Variants in GSN observed in about 807,000 individuals in gnomAD.
GSN encodes the protein actin-depolymerizing factor.
Under a neutral mutation model 85.7 loss-of-function variants are expected in GSN, and 56 were observed. That is an observed-to-expected ratio of 0.65 (90% CI 0.53 to 0.82). The LOEUF is 0.82. Among genes scored for constraint, GSN ranks in the 40% least tolerant of loss-of-function variants. GSN has a pLI of 0.00. For missense variants in GSN, 857 were observed against 979.8 expected (o/e 0.87, Z 1.67); for synonymous variants, 373 against 399.1 (o/e 0.93, Z 0.78).
chr9:121,295,972 G>T (rs1032288364), intron 2 of GSN, among the ~76,000 whole-genome samples: 6 of 152,218 alleles, frequency 3.9e-5, no homozygotes, highest in African/African-American at 1.2e-4. Flanking sequence ...TGCACTAAAT[G>T]GCCACAGCCT....
chr9:121,241,576 T>C (rs1000012556), intron 5 of GSN, among the ~76,000 whole-genome samples: 5 of 152,362 alleles, frequency 3.3e-5, no homozygotes, highest in South Asian at 2.1e-4. Flanking sequence ...TTAACAGAGC[T>C]GTAGCAATGA....
At chr9:121,262,058 T>G (rs2055097762) in intron 6 of GSN, among the ~76,000 whole-genome samples, 2 of 152,242 alleles carry the variant, frequency 1.3e-5, no homozygotes, top group South Asian at 4.1e-4. Context: ...AGTTCCACAT[T>G]TCTTGAACAG....
chr9:121,270,685 T>C (rs2055807567), intron 1 of GSN, among the ~76,000 whole-genome samples: 2 of 152,304 alleles, frequency 1.3e-5, no homozygotes, highest in Admixed American at 6.5e-5. Flanking sequence ...CTGTTAACAA[T>C]GGTGTGTGCA....
chr9:121,213,335 C>T (rs1280567788), intron 4 of GSN, among the ~76,000 whole-genome samples: 1 of 152,194 alleles, frequency 6.6e-6, no homozygotes, highest in Non-Finnish European at 1.5e-5. Flanking sequence ...TGTATCCCTT[C>T]GTCTATTCTG....
At chr9:121,207,665 G>C (rs1262524639), upstream of GSN, 1 of 152,140 alleles carries the variant, frequency 6.6e-6, no homozygotes, top group Non-Finnish European at 1.5e-5. Flanking sequence ...GAGTTAATGA[G>C]TAAATGGTAT....
intron 5 of GSN, among the ~76,000 whole-genome samples, chr9:121,231,999 G>A (rs1049722389): frequency 6.6e-6 from 1 of 152,106 alleles, no homozygotes; most frequent in African/African-American, 2.4e-5. Flanking sequence ...CCCAGGAGGC[G>A]GAGGTTGAAG....
intron 4 of GSN, chr9:121,222,887 T>A (rs1014110816): frequency 6.6e-6 from 1 of 150,792 alleles, no homozygotes; most frequent in African/African-American, 2.4e-5. Context: ...TGGTTTGACC[T>A]TGGACTTGGG....
intron 2 of GSN, among the ~76,000 whole-genome samples, chr9:121,293,561 C>T (rs1468965258): frequency 6.6e-6 from 1 of 151,924 alleles, no homozygotes; most frequent in African/African-American, 2.4e-5. Flanking sequence ...CCAGCCTGGC[C>T]AACGTGGTAA....
At chr9:121,272,818 A>G (rs1315958082) in intron 1 of GSN, among the ~76,000 whole-genome samples, 4 of 152,226 alleles carry the variant, frequency 2.6e-5, no homozygotes, top group African/African-American at 9.6e-5. Flanking sequence ...TAGAAAAATG[A>G]AAGGACTTAC....
At chr9:121,230,205 C>A (rs2054360447) in intron 4 of GSN, among the ~76,000 whole-genome samples, 1 of 152,100 alleles carries the variant, frequency 6.6e-6, no homozygotes, top group Non-Finnish European at 1.5e-5. Context: ...ACCAGATATT[C>A]CAGGCTCAAA....
intron 2 of GSN, among the ~76,000 whole-genome samples, chr9:121,293,759 C>T (rs150683132): frequency 6.6e-6 from 1 of 151,760 alleles, no homozygotes; most frequent in African/African-American, 2.4e-5. Context: ...GAAATTGAGG[C>T]TCAGAGAGAT....
At chr9:121,234,582 A>G (rs1197734167) in intron 5 of GSN, among the ~76,000 whole-genome samples, 1 of 152,194 alleles carries the variant, frequency 6.6e-6, no homozygotes, top group Non-Finnish European at 1.5e-5. Context: ...ATTCCTTGAT[A>G]AGAGGGAGCA....
intron 1 of GSN, among the ~76,000 whole-genome samples, chr9:121,276,073 C>T (rs564513209): frequency 1.3e-5 from 2 of 152,322 alleles, no homozygotes; most frequent in Non-Finnish European, 2.9e-5. Flanking sequence ...CCATGGAATT[C>T]GTGTGCGAAT....
rs550946652 is a variant in GSN, at chr9:121,209,587, T to C, written c.-706+190T>C. Among the ~76,000 whole-genome samples, 7 of 152,312 alleles carry C rather than the reference T, an allele frequency of 4.6e-5. No homozygotes were observed. The South Asian group carries it at 1.5e-3, about 32-fold the overall frequency. ...TTAGTAGCTGTGTGGCTTTGGAAAG[T>C]TCCTTAAGGTCTCTAATTCTTCATT... On this transcript the variant is annotated intron_variant, in intron 2 of 24. Transcript: ENST00000373823.
chr9:121,330,262 G>T lies in GSN; in HGVS notation c.1965+947G>T, dbSNP rs59726946. On this transcript the variant is annotated intron_variant, in intron 16 of 17. Coordinates refer to ENST00000432226, the MANE Select transcript of GSN (RefSeq NM_198252.3). ...CCTTCGAGGGGCTTCCACTTTAGTT[G>T]GGAACACATTTATAAATAAGTAAGA... Among the ~76,000 whole-genome samples the T allele has an allele frequency of 3.3e-3, 507 of 152,262 alleles. 2 individuals are homozygous for T. Among genetic ancestry groups the T allele is most frequent in the African/African-American group, 0.012 (491 of 41,544 alleles).
chr9:121,239,576 G>A (rs571077389), intron 5 of GSN: 6 of 279,156 alleles, frequency 2.1e-5, no homozygotes, highest in South Asian at 1.5e-4. Context: ...TTTCTGCCCC[G>A]GCAATACTGT....
intron 16 of GSN, 41 bp from the exon 17 acceptor site, chr9:121,331,347 A>G (rs937020599): frequency 1.2e-5 from 16 of 1,332,994 alleles, no homozygotes; most frequent in Non-Finnish European, 1.7e-5. Flanking sequence ...GAATTTGATC[A>G]GCACTCCTCA....
chr9:121,314,918 A>G (rs1319417254), intron 7 of GSN, among the ~76,000 whole-genome samples: 1 of 152,174 alleles, frequency 6.6e-6, no homozygotes, highest in Admixed American at 6.5e-5. Flanking sequence ...CTGCAGTACA[A>G]TGGCACAATC....
intron 16 of GSN, among the ~76,000 whole-genome samples, chr9:121,330,297 A>C (rs1357174890): frequency 1.3e-5 from 2 of 152,220 alleles, no homozygotes; most frequent in Non-Finnish European, 2.9e-5. Flanking sequence ...AGAGGGCCAG[A>C]CATGTTGGCT....
Sources: gnomAD v4.1 joint callset for allele counts (sites outside exome capture counted in the v4.1 genomes callset) on GRCh38, gnomAD v4.1.1 for gene constraint, MANE v1.5 for transcripts, NCBI Gene and HGNC (gene_info 2026-07-23, HGNC 2026-07-21) for gene names.